CRIM1: variants seen among roughly 807,000 people sequenced by gnomAD.
CRIM1 encodes cysteine-rich motor neuron 1 protein.
Under a neutral mutation model 116.4 loss-of-function variants are expected in CRIM1, and 32 were observed. The observed-to-expected ratio is 0.27, with a 90% CI of 0.21 to 0.37. CRIM1 has a LOEUF of 0.37. Ranked by LOEUF, CRIM1 falls within the 10% of genes least tolerant of loss-of-function variation. CRIM1 has a pLI of 1.00. For synonymous variants in CRIM1, 590 were observed against 509.2 expected, an observed-to-expected ratio of 1.16 and a Z score of -2.13; for missense variants, 1,331 against 1,354.8, an observed-to-expected ratio of 0.98 and a Z score of 0.28.
At chr2:36,387,951 C>G (rs1317036466) in intron 1 of CRIM1, among the ~76,000 whole-genome samples, 3 of 148,306 alleles carry the variant, frequency 2.0e-5, no homozygotes, top group Non-Finnish European at 4.5e-5. Context: ...ATGCTTAGTT[C>G]ATTCTTTTTT....
intron 4 of CRIM1, among the ~76,000 whole-genome samples, chr2:36,448,218 A>G (rs1163569286): frequency 3.3e-5 from 5 of 152,374 alleles, no homozygotes; most frequent in African/African-American, 1.2e-4. Context: ...GCTTGCAAAG[A>G]TGTTGAATAG....
rs1277312246 is a variant in CRIM1 at position 36,550,946 on chromosome 2, ACT to A, written c.*2248_*2249del. The A allele has an allele frequency of 6.6e-6, 1 of 152,596 alleles. No homozygotes were observed. Among genetic ancestry groups the A allele is most frequent in the Admixed American group, 6.5e-5 (1 of 15,286 alleles). 9.5% of individuals were successfully genotyped at this position (152,596 alleles called of 1,614,324 possible). On this transcript the variant is annotated 3_prime_UTR_variant, in exon 17 of 17. Transcript: ENST00000280527. ...ATTTATCCTGAGTGCTGTATCTATTACTCTTTTACTTTGGTTCCTGTTGTGCT... is the reference window on the plus strand; with the variant it reads ...ATTTATCCTGAGTGCTGTATCTATTACTTTTACTTTGGTTCCTGTTGTGCT...
intron 4 of CRIM1, among the ~76,000 whole-genome samples, chr2:36,457,243 C>T (rs955937705): frequency 6.6e-6 from 1 of 152,056 alleles, no homozygotes; most frequent in African/African-American, 2.4e-5. Flanking sequence ...TTGGGGCACC[C>T]ATCACCTGAA....
intron 2 of CRIM1, among the ~76,000 whole-genome samples, chr2:36,412,038 T>C (rs994301342): frequency 1.3e-5 from 2 of 152,094 alleles, no homozygotes; most frequent in Non-Finnish European, 2.9e-5. Flanking sequence ...AAAGGAAATA[T>C]GAGAGATAAA....
intron 7 of CRIM1, among the ~76,000 whole-genome samples, chr2:36,480,453 T>C (rs1679320799): frequency 6.6e-6 from 1 of 152,218 alleles, no homozygotes; most frequent in African/African-American, 2.4e-5. Context: ...AAGAAGTACA[T>C]TTGCATAGTA....
chr2:36,385,609 C>T (rs904552426), intron 1 of CRIM1, among the ~76,000 whole-genome samples: 2 of 152,034 alleles, frequency 1.3e-5, no homozygotes, highest in Non-Finnish European at 2.9e-5. Context: ...AGTCTCCAGG[C>T]CGTATTACTG....
At chr2:36,420,759 C>G (rs1673992303) in intron 2 of CRIM1, among the ~76,000 whole-genome samples, 1 of 152,168 alleles carries the variant, frequency 6.6e-6, no homozygotes, top group African/African-American at 2.4e-5. Context: ...ACTGCAACAG[C>G]TCTCATGTGA....
In CRIM1 at chr2:36,396,659, A is replaced by T; in HGVS notation, c.377A>T (p.Asn126Ile). ...DDQLLGFKPC[N>I]ENLIAGCNII... ...CAACTGCTTGGTTTTAAACCATGCA[A>T]TGAAAACCTTATTGCTGGCTGCAAT... is the stretch of plus-strand genomic sequence containing the variant. Residue 126 changes from asparagine to isoleucine, a missense_variant, in exon 2 of 17, where the codon AAT becomes ATT. Asn to Ile is a moderately radical substitution (Grantham distance 149, BLOSUM62 -3). Transcript: ENST00000280527. 6.2e-7 allele frequency: 1 copy of T among 1,613,064 alleles called. No homozygotes were observed. The highest frequency in any genetic ancestry group is 8.5e-7 in the Non-Finnish European group (1 of 1,179,078).
At position 36,441,490 on chromosome 2, in the gene CRIM1, G is replaced by A. The variant is rs370960499; in HGVS notation, c.738G>A (p.Glu246=). ...CGGGAGAGTGCTGTGACCTCTATGA[G>A]TGCAAACCAGGTATGCACGAGCTCT... is the stretch of plus-strand genomic sequence containing the variant. ...GKPGECCDLY[E]CKPVFGVDCR... is the part of the protein sequence containing the mutation. Residue 246 remains glutamate (E), a synonymous_variant, in exon 3 of 17, where the codon GAG becomes GAA. Coordinates refer to ENST00000280527, the MANE Select transcript of CRIM1 (RefSeq NM_016441.3). 3.1e-6 allele frequency: 5 copies of A among 1,610,498 alleles called. No homozygotes were observed. The highest frequency in any genetic ancestry group is 1.7e-5 in the Admixed American group (1 of 60,004).
At chr2:36,547,600 A>G (rs1486863315) in intron 16 of CRIM1, among the ~76,000 whole-genome samples, 1 of 152,178 alleles carries the variant, frequency 6.6e-6, no homozygotes, top group Non-Finnish European at 1.5e-5. Context: ...CTGGAAGATC[A>G]TGAGGGTATA....
At chr2:36,452,660 T>C (rs775113108) in intron 4 of CRIM1, among the ~76,000 whole-genome samples, 19 of 151,018 alleles carry the variant, frequency 1.3e-4, no homozygotes, top group Non-Finnish European at 1.9e-4. Context: ...GCGTGCGTGC[T>C]GTGTTTCCTG....
Position 36,550,818 on chromosome 2 carries a change from G to T in CRIM1, c.*2117G>T, listed in dbSNP as rs1667721195. On this transcript the variant is annotated 3_prime_UTR_variant, in exon 17 of 17. Coordinates refer to ENST00000280527, the MANE Select transcript of CRIM1 (RefSeq NM_016441.3). ...TAAAAAGTCTTTATCAAAAAAAATT[G>T]TAGATGCTTGCTTTTTGTTTTTTCA... The T allele has an allele frequency of 6.6e-6, 1 of 152,376 alleles. No individual in the cohort carries two copies. Among genetic ancestry groups the T allele is most frequent in the South Asian group, 2.1e-4 (1 of 4,822 alleles). 9.4% of individuals were successfully genotyped at this position (152,376 alleles called of 1,614,324 possible). A position where few individuals can be genotyped will look rare whatever the true frequency, so the allele number is the denominator to read the frequency against.
intron 1 of CRIM1, chr2:36,378,458 G>A: frequency 2.1e-6 from 1 of 468,778 alleles, no homozygotes; most frequent in Admixed American, 2.4e-5. Flanking sequence ...AGGGAAAGGA[G>A]TGCCACCATT....
intron 13 of CRIM1, among the ~76,000 whole-genome samples, chr2:36,534,372 GGGAA>G (rs1314211500): frequency 1.8e-4 from 23 of 126,594 alleles, no homozygotes; most frequent in African/African-American, 6.6e-4. Flanking sequence ...GGGAGGGAAG[GGGAA>G]GGAAGGGAGG....
intron 1 of CRIM1, among the ~76,000 whole-genome samples, chr2:36,363,658 T>G (rs571035276): frequency 6.6e-6 from 1 of 150,796 alleles, no homozygotes; most frequent in South Asian, 2.1e-4. Flanking sequence ...ATGTAACCAT[T>G]TATCTGTGAA....
intron 2 of CRIM1, among the ~76,000 whole-genome samples, chr2:36,431,994 G>A (rs370144717): frequency 1.6e-4 from 24 of 152,274 alleles, no homozygotes; most frequent in African/African-American, 5.5e-4. Flanking sequence ...GCCACCTTCC[G>A]GTAAACATTA....
intron 8 of CRIM1, among the ~76,000 whole-genome samples, chr2:36,501,507 TCAGGAGTTCGAAA>T (rs1680991222): frequency 6.6e-6 from 1 of 151,826 alleles, no homozygotes; most frequent in Non-Finnish European, 1.5e-5. Flanking sequence ...TTGCTTGACC[TCAGGAGTTCGAAA>T]CCAGCCTGGG....
chr2:36,513,874 C>G lies in CRIM1; in HGVS notation c.1990+109C>G, dbSNP rs944213370. The G allele has an allele frequency of 4.7e-6, 4 of 859,178 alleles. No homozygotes were observed. In the Admixed American group the frequency reaches 8.7e-5, roughly 19 times the overall value. 53.2% of individuals were successfully genotyped at this position (859,178 alleles called of 1,614,324 possible). ...AGGTTGGAGGGGACAACCCCTGGAACACTTTTCAGCACTGTGTGGTTTTTG... is the reference window on the plus strand; with the variant it reads ...AGGTTGGAGGGGACAACCCCTGGAAGACTTTTCAGCACTGTGTGGTTTTTG... On this transcript the variant is annotated intron_variant, in intron 11 of 16. Transcript: ENST00000280527.
chr2:36,428,624 C>T (rs967592762), intron 2 of CRIM1, among the ~76,000 whole-genome samples: 14 of 152,148 alleles, frequency 9.2e-5, no homozygotes, highest in African/African-American at 3.4e-4. Flanking sequence ...TCTTATTTAG[C>T]AGTTGGTTAA....
Sources: gnomAD v4.1 joint callset for allele counts (sites outside exome capture counted in the v4.1 genomes callset) on GRCh38, gnomAD v4.1.1 for gene constraint, MANE v1.5 for transcripts, NCBI Gene and HGNC (gene_info 2026-07-23, HGNC 2026-07-21) for gene names.